TCF4: variants seen among roughly 807,000 people sequenced by gnomAD.
TCF4 encodes the protein SL3-3 enhancer factor 2.
A neutral mutation model predicts 82.1 loss-of-function variants in TCF4; 3 were observed. The ratio of observed to expected loss-of-function variants is 0.04; its 90% CI spans 0.02 to 0.09. TCF4 has a LOEUF of 0.09. Ranked by LOEUF, TCF4 falls within the 10% of genes least tolerant of loss-of-function variation. The pLI is 1.00. For missense variants in TCF4, 518 were observed against 852.7 expected (o/e 0.61, Z 4.89); for synonymous variants, 276 against 309.6 (o/e 0.89, Z 1.14).
At chr18:55,401,292 A>T in intron 6 of TCF4, 6 of 1,188,618 alleles carry the variant, frequency 5.0e-6, no homozygotes, top group Non-Finnish European at 6.4e-6. Flanking sequence ...ATCCCTAAGT[A>T]ATCACACTGT....
intron 5 of TCF4, among the ~76,000 whole-genome samples, chr18:55,453,783 C>A (rs1157312200): frequency 6.6e-6 from 1 of 150,576 alleles, no homozygotes; most frequent in Non-Finnish European, 1.5e-5. Flanking sequence ...TTTTCAATGG[C>A]CTTTCAAATT....
chr18:55,448,423 G>C (rs2144244543), intron 5 of TCF4, among the ~76,000 whole-genome samples: 1 of 152,292 alleles, frequency 6.6e-6, no homozygotes. Context: ...TCTTTAACTA[G>C]AACACTCAGA....
chr18:55,623,300 TTC>T (rs1340434016), intron 2 of TCF4, among the ~76,000 whole-genome samples: 1 of 152,208 alleles, frequency 6.6e-6, no homozygotes, highest in Non-Finnish European at 1.5e-5. Context: ...TATTTATACT[TTC>T]TTTTTCCCTT....
intron 3 of TCF4, among the ~76,000 whole-genome samples, chr18:55,536,530 C>CA (rs1322126288): frequency 1.3e-5 from 2 of 152,014 alleles, no homozygotes; most frequent in Non-Finnish European, 2.9e-5. Context: ...TACTTGCAGT[C>CA]AACACAAAGA....
At chr18:55,605,890 A>T (rs1381505006) in intron 2 of TCF4, among the ~76,000 whole-genome samples, 1 of 152,212 alleles carries the variant, frequency 6.6e-6, no homozygotes, top group East Asian at 1.9e-4. Context: ...TGCTTTCAAG[A>T]GCAGTGGTTC....
At position 55,261,552 on chromosome 18, in the gene TCF4, GAATAT is replaced by G; in HGVS notation, c.923-24_923-20del. 6.2e-7 allele frequency: 1 copy of G among 1,613,832 alleles called. No homozygotes were observed. The highest frequency in any genetic ancestry group is 8.5e-7 in the Non-Finnish European group (1 of 1,179,780). On this transcript the variant is annotated intron_variant, in intron 11 of 19. Coordinates refer to ENST00000354452, the MANE Select transcript of TCF4 (RefSeq NM_001083962.2). Reference sequence around the variant, plus strand: ...CTATTTGCTGCAAAAACAAAAGGCAGAATATGAAAACCAGGCAGTGAGACGTCTAA... The same window carrying G: ...CTATTTGCTGCAAAAACAAAAGGCAGGAAAACCAGGCAGTGAGACGTCTAA...
chr18:55,261,331 T>G, intron 12 of TCF4, 135 bp downstream of exon 12: 1 of 1,054,798 alleles, frequency 9.5e-7, no homozygotes, highest in African/African-American at 1.6e-5. Flanking sequence ...CAGTGACTGT[T>G]ATGCAAGAAA....
intron 8 of TCF4, among the ~76,000 whole-genome samples, chr18:55,344,932 T>C (rs987064664): frequency 3.3e-5 from 5 of 152,168 alleles, no homozygotes; most frequent in African/African-American, 1.2e-4. Context: ...TTTTCCTTTA[T>C]ATTTCTTCTC....
intron 5 of TCF4, among the ~76,000 whole-genome samples, chr18:55,447,758 A>G (rs909581730): frequency 6.6e-6 from 1 of 152,212 alleles, no homozygotes. Flanking sequence ...TTTCACAAAT[A>G]TATCATTTGC....
At chr18:55,300,852 C>A (rs1053576576) in intron 8 of TCF4, among the ~76,000 whole-genome samples, 1 of 152,136 alleles carries the variant, frequency 6.6e-6, no homozygotes, top group Non-Finnish European at 1.5e-5. Context: ...CAGTAACCAC[C>A]TGTAAATCAG....
Position 55,226,496 on chromosome 18 carries a change from T to C in TCF4, c.*1539A>G, listed in dbSNP as rs2046613459. 1 of 152,624 alleles carries C rather than the reference T, an allele frequency of 6.6e-6. No individual in the cohort carries two copies. The highest frequency in any genetic ancestry group is 1.5e-5 in the Non-Finnish European group (1 of 68,028). 9.5% of individuals were successfully genotyped at this position (152,624 alleles called of 1,614,324 possible). On this transcript the variant is annotated 3_prime_UTR_variant, in exon 20 of 20. Coordinates refer to ENST00000354452, the MANE Select transcript of TCF4 (RefSeq NM_001083962.2). ...AGTCGCTGTGCCATAGCTTGATCTA[T>C]GTTTCTATCAAATATGGTAAGTATA...
At chr18:55,325,682 G>A (rs976308451) in intron 8 of TCF4, among the ~76,000 whole-genome samples, 1 of 152,168 alleles carries the variant, frequency 6.6e-6, no homozygotes, top group Non-Finnish European at 1.5e-5. Context: ...AACACGGAAA[G>A]TTGTTTTTTG....
intron 3 of TCF4, among the ~76,000 whole-genome samples, chr18:55,467,384 T>G (rs2096054576): frequency 6.6e-6 from 1 of 152,196 alleles, no homozygotes; most frequent in Non-Finnish European, 1.5e-5. Context: ...ATCACCTGTA[T>G]GCCCATTTTT....
intron 5 of TCF4, among the ~76,000 whole-genome samples, chr18:55,444,363 T>A (rs2095490694): frequency 6.6e-6 from 1 of 152,104 alleles, no homozygotes. Flanking sequence ...AATACTAGGG[T>A]AAGACTTGGA....
At chr18:55,583,676 T>C (rs919169773) in intron 3 of TCF4, among the ~76,000 whole-genome samples, 1 of 152,128 alleles carries the variant, frequency 6.6e-6, no homozygotes, top group Non-Finnish European at 1.5e-5. Flanking sequence ...AAGTAGTCTA[T>C]CTCTGTGTCT....
chr18:55,464,158 C>A (rs781538505), intron 3 of TCF4, 21 bp from the exon 4 acceptor site: 1 of 1,612,070 alleles, frequency 6.2e-7, no homozygotes, highest in South Asian at 1.1e-5. Context: ...GAGAAAAGTT[C>A]TTTAGGCTTT....
At chr18:55,625,720 T>C (rs1384831340) in intron 2 of TCF4, among the ~76,000 whole-genome samples, 1 of 152,248 alleles carries the variant, frequency 6.6e-6, no homozygotes, top group East Asian at 1.9e-4. Flanking sequence ...GTCTTTTGTT[T>C]TGCTATCATT....
At chr18:55,623,972 A>C (rs1362917620) in intron 2 of TCF4, among the ~76,000 whole-genome samples, 1 of 152,184 alleles carries the variant, frequency 6.6e-6, no homozygotes, top group Non-Finnish European at 1.5e-5. Flanking sequence ...GAAACCTCCC[A>C]ATTCAAAAGA....
rs2046516114 is a variant in TCF4, at chr18:55,225,809, C to T, written c.*2226G>A. 6.6e-6 allele frequency: 1 copy of T among 152,550 alleles called. No homozygotes were observed. The highest frequency in any genetic ancestry group is 1.5e-5 in the Non-Finnish European group (1 of 67,984). The allele number at this position is 152,550 out of a possible 1,614,324, so 9.4% of individuals were successfully genotyped here. A position where few individuals can be genotyped will look rare whatever the true frequency, so the allele number is the denominator to read the frequency against. The stretch of plus-strand genomic sequence containing the variant: ...TTAATCCACCTCCACATTTTAGGAA[C>T]TTATCAACAAATCAAAGTTATTTTA... On this transcript the variant is annotated 3_prime_UTR_variant, in exon 20 of 20. Transcript: ENST00000354452.
Sources: gnomAD v4.1 joint callset for allele counts (sites outside exome capture counted in the v4.1 genomes callset) on GRCh38, gnomAD v4.1.1 for gene constraint, MANE v1.5 for transcripts, NCBI Gene and HGNC (gene_info 2026-07-23, HGNC 2026-07-21) for gene names.